Variants in CAMTA1 observed in about 807,000 individuals in gnomAD.
CAMTA1 encodes the protein calmodulin binding transcription activator 1.
A neutral mutation model predicts 170.9 loss-of-function variants in CAMTA1; 27 were observed. The ratio of observed to expected loss-of-function variants is 0.16; its 90% CI spans 0.12 to 0.22. The LOEUF (loss-of-function observed/expected upper bound fraction) is 0.22. Ranked by LOEUF, CAMTA1 falls within the 10% of genes least tolerant of loss-of-function variation. The pLI is 1.00. For synonymous variants in CAMTA1, 833 were observed against 891.5 expected (o/e 0.93, Z 1.17); for missense variants, 1,619 against 2,217.2 (o/e 0.73, Z 5.42).
chr1:7,673,948 C>T lies in CAMTA1; in HGVS notation c.2779+2911C>T, dbSNP rs952926309. Among the ~76,000 whole-genome samples the T allele has an allele frequency of 3.9e-5, 6 of 152,154 alleles. No homozygotes were observed. Among genetic ancestry groups the T allele is most frequent in the African/African-American group, 9.7e-5 (4 of 41,438 alleles). ...TCTCGGTCCAGGGAGGAGTGCAGTG[C>T]GCAAATGAATCACTGCTCCGGAGAT... On this transcript the variant is annotated intron_variant, in intron 10 of 22. Transcript: ENST00000303635. This position sits in a 1 kb window ranked among gnomAD's most constrained non-coding sequence, Gnocchi z 4.6.
At chr1:7,222,897 G>A (rs1361197719) in intron 4 of CAMTA1, among the ~76,000 whole-genome samples, 2 of 152,250 alleles carry the variant, frequency 1.3e-5, no homozygotes, top group Non-Finnish European at 2.9e-5. Context: ...TGCCTCAGGT[G>A]CAGCTGTGAG....
chr1:7,486,093 C>T (rs1349646012), intron 6 of CAMTA1, among the ~76,000 whole-genome samples: 1 of 152,212 alleles, frequency 6.6e-6, no homozygotes, highest in Non-Finnish European at 1.5e-5. Flanking sequence ...TGATGATTGC[C>T]TCTTTCAGGA....
chr1:7,471,179 G>A (rs943760959), intron 6 of CAMTA1, among the ~76,000 whole-genome samples: 1 of 152,236 alleles, frequency 6.6e-6, no homozygotes, highest in Non-Finnish European at 1.5e-5. Flanking sequence ...GTGTCTGTCT[G>A]TCTGTCTTTC....
At chr1:7,281,338 T>C (rs1671477350) in intron 5 of CAMTA1, among the ~76,000 whole-genome samples, 1 of 152,236 alleles carries the variant, frequency 6.6e-6, no homozygotes, top group Non-Finnish European at 1.5e-5. Context: ...TTACAGTTAA[T>C]ATGTCAAAGG....
In CAMTA1 at chr1:7,590,832, G is replaced by A. The variant is rs568920902; in HGVS notation, c.511-49568G>A. 4.6e-5 allele frequency among the ~76,000 whole-genome samples: 7 copies of A among 152,302 alleles called. No individual in the cohort carries two copies. The South Asian group carries it at 1.0e-3, about 23-fold the overall frequency. On this transcript the variant is annotated intron_variant, in intron 6 of 22. Transcript: ENST00000303635. ...AGAGGGGAGTTTCCCCAGAGCTGACGGCAGGGCTTTTCCAGGAGGCCGTCT... is the reference window on the plus strand; with the variant it reads ...AGAGGGGAGTTTCCCCAGAGCTGACAGCAGGGCTTTTCCAGGAGGCCGTCT...
chr1:7,752,683 T>A (rs2096905887), intron 21 of CAMTA1, 150 bp downstream of exon 21: 1 of 605,760 alleles, frequency 1.7e-6, no homozygotes, highest in African/African-American at 1.9e-5. Flanking sequence ...GTAGAGCTCT[T>A]TAACTAGGGA....
intron 5 of CAMTA1, among the ~76,000 whole-genome samples, chr1:7,262,290 G>A (rs1233557707): frequency 2.0e-5 from 3 of 152,074 alleles, no homozygotes; most frequent in South Asian, 4.2e-4. Flanking sequence ...GGCCGGGCGC[G>A]GTGGCTCACG....
chr1:7,673,100 C>A lies in CAMTA1; in HGVS notation c.2779+2063C>A, dbSNP rs1352550922. 6.6e-6 allele frequency among the ~76,000 whole-genome samples: 1 copy of A among 152,208 alleles called. No individual in the cohort carries two copies. The highest frequency in any genetic ancestry group is 1.9e-4 in the East Asian group (1 of 5,162). On this transcript the variant is annotated intron_variant, in intron 10 of 22. Coordinates refer to ENST00000303635, the MANE Select transcript of CAMTA1 (RefSeq NM_015215.4). The surrounding 1 kb of genome is among the most constrained non-coding windows in gnomAD (Gnocchi z 4.6). Reference sequence around the variant, plus strand: ...CATCTGCTGCCAGAATGCGACTTGCCTGGCCTATAAATAGATGCCACTTCC... The same window carrying A: ...CATCTGCTGCCAGAATGCGACTTGCATGGCCTATAAATAGATGCCACTTCC...
chr1:6,959,080 C>T (rs1478623172), intron 3 of CAMTA1, among the ~76,000 whole-genome samples: 2 of 152,210 alleles, frequency 1.3e-5, no homozygotes, highest in African/African-American at 4.8e-5. Context: ...AGTATTTTGG[C>T]AGAGTCCTTG....
At chr1:7,628,517 A>G (rs547219442) in intron 6 of CAMTA1, among the ~76,000 whole-genome samples, 2 of 152,362 alleles carry the variant, frequency 1.3e-5, no homozygotes, top group Admixed American at 1.3e-4. Context: ...CCGTGAGCAG[A>G]TCATGTAGCA....
intron 4 of CAMTA1, among the ~76,000 whole-genome samples, chr1:7,121,041 C>A (rs1287614034): frequency 6.6e-6 from 1 of 152,194 alleles, no homozygotes; most frequent in African/African-American, 2.4e-5. Flanking sequence ...TGGTATCTAG[C>A]CTCTGTACTG....
chr1:7,009,616 C>T (rs910933789), intron 3 of CAMTA1, among the ~76,000 whole-genome samples: 5 of 152,248 alleles, frequency 3.3e-5, no homozygotes, highest in Admixed American at 3.3e-4. Flanking sequence ...ACTGCGGCAT[C>T]ACGGACACCT....
intron 7 of CAMTA1, among the ~76,000 whole-genome samples, chr1:7,647,186 C>G (rs1159813377): frequency 6.6e-6 from 1 of 152,148 alleles, no homozygotes; most frequent in Non-Finnish European, 1.5e-5. Context: ...TTCCGGAGGC[C>G]CTCGCTGTTG....
At chr1:7,540,691 A>G (rs897195115) in intron 6 of CAMTA1, among the ~76,000 whole-genome samples, 3 of 151,948 alleles carry the variant, frequency 2.0e-5, no homozygotes, top group African/African-American at 7.3e-5. Flanking sequence ...TGGCCCTTCC[A>G]GAGTACAAGT....
At position 7,010,024 on chromosome 1, in the gene CAMTA1, C is replaced by T. The variant is rs2100761637; in HGVS notation, c.235-81280C>T. Among the ~76,000 whole-genome samples the T allele has an allele frequency of 6.6e-6, 1 of 152,322 alleles. No individual in the cohort carries two copies. On this transcript the variant is annotated intron_variant, in intron 3 of 22. Transcript: ENST00000303635. This position sits in a 1 kb window ranked among gnomAD's most constrained non-coding sequence, Gnocchi z 4.4. ...TGCCGGCCAGTGTGGAAGGAGCTGG[C>T]TGCTGAGGATTTACCAGCCCCTTTT... is the stretch of plus-strand genomic sequence containing the variant.
rs868713089 is a variant in CAMTA1 at position 7,234,827 on chromosome 1, C to T, written c.303-14664C>T. ...TTTTAGATAGAGTCTCACTTTGTCA[C>T]CCAGGCTGGAGTGCGGTGGTGTGAT... is the stretch of plus-strand genomic sequence containing the variant. On this transcript the variant is annotated intron_variant, in intron 4 of 22. Coordinates refer to ENST00000303635, the MANE Select transcript of CAMTA1 (RefSeq NM_015215.4). This position sits in a 1 kb window ranked among gnomAD's most constrained non-coding sequence, Gnocchi z 5.0. 6.8e-6 allele frequency among the ~76,000 whole-genome samples: 1 copy of T among 147,952 alleles called. No homozygotes were observed. Among genetic ancestry groups the T allele is most frequent in the Non-Finnish European group, 1.5e-5 (1 of 67,532 alleles).
At chr1:7,756,964 A>T (rs980288652) in intron 22 of CAMTA1, among the ~76,000 whole-genome samples, 1 of 152,248 alleles carries the variant, frequency 6.6e-6, no homozygotes, top group African/African-American at 2.4e-5. Context: ...TAATCTTAAG[A>T]GAAAAAATGA....
chr1:6,995,182 A>G (rs188483497), intron 3 of CAMTA1, among the ~76,000 whole-genome samples: 15 of 150,990 alleles, frequency 9.9e-5, no homozygotes, highest in African/African-American at 3.7e-4. Flanking sequence ...CAGATAGATC[A>G]GTATTTATCG....
chr1:7,498,275 AGT>A (rs575183920), intron 6 of CAMTA1, among the ~76,000 whole-genome samples: 12 of 144,238 alleles, frequency 8.3e-5, no homozygotes, highest in East Asian at 2.5e-4. Context: ...AGCGTGTGTG[AGT>A]GTGAGCGTGT....
Sources: gnomAD v4.1 joint callset for allele counts (sites outside exome capture counted in the v4.1 genomes callset) on GRCh38, gnomAD v4.1.1 for gene constraint, Gnocchi (gnomAD v3.1) non-coding constraint, MANE v1.5 for transcripts, NCBI Gene and HGNC (gene_info 2026-07-23, HGNC 2026-07-21) for gene names.